The following IL1RAP variants were observed in gnomAD, a reference collection of about 807,000 sequenced individuals.
The protein encoded by IL1RAP is interleukin-1 receptor accessory protein.
Under a neutral mutation model 60.7 loss-of-function variants are expected in IL1RAP, and 35 were observed. The observed-to-expected ratio is 0.58, with a 90% confidence interval of 0.44 to 0.76. The LOEUF (loss-of-function observed/expected upper bound fraction) is 0.76. IL1RAP is among the 30% of genes least tolerant of loss of function. The pLI, the probability that IL1RAP is intolerant of heterozygous loss-of-function variation, is 0.00. For missense variants in IL1RAP, 572 were observed against 693.9 expected (o/e 0.82, Z 1.97); for synonymous variants, 268 against 250.9 (o/e 1.07, Z -0.64).
chr3:190,657,941 G>T (rs1734664948), exon 12 of IL1RAP: 1 of 151,972 alleles, frequency 6.6e-6, no homozygotes, highest in Non-Finnish European at 1.5e-5. Context: ...TGTAATCCCA[G>T]CTACTCAGGA....
At chr3:190,609,977 T>C (rs1201419016) in intron 5 of IL1RAP, among the ~76,000 whole-genome samples, 11 of 152,124 alleles carry the variant, frequency 7.2e-5, no homozygotes, top group Non-Finnish European at 1.6e-4. Flanking sequence ...GAGCTGAAAT[T>C]GGGAGAGGTT....
chr3:190,527,695 T>A (rs993186215), intron 1 of IL1RAP, among the ~76,000 whole-genome samples: 4 of 151,852 alleles, frequency 2.6e-5, no homozygotes, highest in African/African-American at 9.7e-5. Context: ...TTTTTTTTTT[T>A]TTTTTTTTGC....
chr3:190,618,753 G>A (rs578024462), intron 5 of IL1RAP, among the ~76,000 whole-genome samples: 15 of 152,006 alleles, frequency 9.9e-5, no homozygotes, highest in Admixed American at 3.9e-4. Context: ...TATTGAAATC[G>A]TTTGCTGACC....
chr3:190,607,265 AGAC>A, intron 4 of IL1RAP, among the ~76,000 whole-genome samples: 1 of 152,230 alleles, frequency 6.6e-6, no homozygotes, highest in South Asian at 2.1e-4. Flanking sequence ...GGCTACACAT[AGAC>A]TCCTTATCCC....
At chr3:190,596,528 G>A (rs1729394160) in intron 3 of IL1RAP, among the ~76,000 whole-genome samples, 1 of 152,160 alleles carries the variant, frequency 6.6e-6, no homozygotes, top group Admixed American at 6.5e-5. Flanking sequence ...AGCGTGGGTT[G>A]GATCTTCCAG....
intron 3 of IL1RAP, among the ~76,000 whole-genome samples, chr3:190,584,422 C>T (rs558133133): frequency 1.4e-4 from 21 of 152,246 alleles, no homozygotes; most frequent in African/African-American, 5.1e-4. Context: ...TATGTTTAAC[C>T]TAATAAGAGG....
chr3:190,604,999 C>T (rs552959969), intron 4 of IL1RAP, among the ~76,000 whole-genome samples: 4 of 152,238 alleles, frequency 2.6e-5, no homozygotes, highest in Middle Eastern at 3.4e-3. Flanking sequence ...AGACCTAGAA[C>T]GAACTGGGAG....
chr3:190,606,022 T>C (rs1366034683), intron 4 of IL1RAP, among the ~76,000 whole-genome samples: 1 of 152,134 alleles, frequency 6.6e-6, no homozygotes, highest in African/African-American at 2.4e-5. Context: ...ATGTTATGAT[T>C]ATGTGAAAAA....
At chr3:190,520,000 A>T (rs2108593748) in intron 1 of IL1RAP, among the ~76,000 whole-genome samples, 1 of 152,290 alleles carries the variant, frequency 6.6e-6, no homozygotes, top group Admixed American at 6.5e-5. Flanking sequence ...GTAAATATTC[A>T]TTCCTTCCTC....
At chr3:190,553,612 G>A (rs1725086941) in intron 1 of IL1RAP, among the ~76,000 whole-genome samples, 2 of 152,222 alleles carry the variant, frequency 1.3e-5, no homozygotes, top group East Asian at 3.9e-4. Context: ...GGGGAACGGG[G>A]AGCTGCCGTT....
intron 9 of IL1RAP, among the ~76,000 whole-genome samples, chr3:190,635,142 A>G (rs1490411509): frequency 6.6e-6 from 1 of 151,992 alleles, no homozygotes; most frequent in African/African-American, 2.4e-5. Context: ...CTAAGTTGTC[A>G]CATTATTGGC....
At chr3:190,647,576 T>A (rs924641398) in intron 11 of IL1RAP, among the ~76,000 whole-genome samples, 4 of 152,180 alleles carry the variant, frequency 2.6e-5, no homozygotes, top group Non-Finnish European at 5.9e-5. Flanking sequence ...TTAGTGCAAG[T>A]AGACACATCA....
Position 190,644,318 on chromosome 3 carries a change from C to T in IL1RAP, c.1122C>T (p.Leu374=), listed in dbSNP as rs1553853429. The change falls in exon 10 of 12, where the codon CTC becomes CTT. Residue 374 remains leucine (L), a synonymous_variant. Transcript: ENST00000447382. Reference sequence around the variant, plus strand: ...CCACAGTCCTGCTAGTGGTGATTCTCATTGTTGTTTACCATGTTTACTGGC... The same window carrying T: ...CCACAGTCCTGCTAGTGGTGATTCTTATTGTTGTTTACCATGTTTACTGGC... ...FGATVLLVVI[L]IVVYHVYWLE... 2 of 1,613,984 alleles carry T rather than the reference C, an allele frequency of 1.2e-6. No individual in the cohort carries two copies. The highest frequency in any genetic ancestry group is 1.6e-4 in the Middle Eastern group (1 of 6,062).
intron 1 of IL1RAP, among the ~76,000 whole-genome samples, chr3:190,532,895 C>T (rs188249474): frequency 3.0e-4 from 46 of 152,200 alleles, no homozygotes; most frequent in Middle Eastern, 3.4e-3. Context: ...TTTCCTTTTT[C>T]GGCTCAGGCA....
chr3:190,649,310 C>G lies in IL1RAP; in HGVS notation c.*605C>G, dbSNP rs1734252832. Reference sequence around the variant, plus strand: ...TTAAAGGACTTGTCTTCTATACCACCCTTGTCCTCATCTCAGGTAATTTAT... The same window carrying G: ...TTAAAGGACTTGTCTTCTATACCACGCTTGTCCTCATCTCAGGTAATTTAT... On this transcript the variant is annotated 3_prime_UTR_variant, in exon 12 of 12. Transcript: ENST00000447382. 1 of 984,686 alleles carries G rather than the reference C, an allele frequency of 1.0e-6. No individual in the cohort carries two copies. Among genetic ancestry groups the G allele is most frequent in the Admixed American group, 6.2e-5 (1 of 16,244 alleles). The allele number at this position is 984,686 out of a possible 1,614,324, so 61.0% of individuals were successfully genotyped here. A position where few individuals can be genotyped will look rare whatever the true frequency, so the allele number is the denominator to read the frequency against.
At chr3:190,645,487 C>A (rs911150560) in intron 10 of IL1RAP, among the ~76,000 whole-genome samples, 1 of 152,114 alleles carries the variant, frequency 6.6e-6, no homozygotes, top group African/African-American at 2.4e-5. Context: ...TGTAAAGCAA[C>A]CTGTAAGATG....
At chr3:190,629,328 A>G (rs1732580293) in intron 8 of IL1RAP, 22 bp from the exon 9 acceptor site, 7 of 1,553,232 alleles carry the variant, frequency 4.5e-6, no homozygotes, top group Non-Finnish European at 6.2e-6. Flanking sequence ...AAATGCTTTG[A>G]TTTTCTTCTC....
chr3:190,655,769 CT>C (rs1734598380), downstream of IL1RAP: 1 of 733,348 alleles, frequency 1.4e-6, no homozygotes, highest in Admixed American at 2.7e-5. Context: ...TTATTCAGCA[CT>C]GAGATTCTGT....
chr3:190,623,503 C>T (rs4687161), intron 7 of IL1RAP, 88 bp downstream of exon 7: 650,337 of 973,366 alleles, frequency 0.67, 222,691 homozygotes, highest in East Asian at 0.81. Context: ...AGAAAATAGA[C>T]GACTGTTGTA....
Sources: gnomAD v4.1 joint callset for allele counts (sites outside exome capture counted in the v4.1 genomes callset) on GRCh38, gnomAD v4.1.1 for gene constraint, MANE v1.5 for transcripts, NCBI Gene and HGNC (gene_info 2026-07-23, HGNC 2026-07-21) for gene names.